ADGRG6: variants seen among roughly 807,000 people sequenced by gnomAD.
ADGRG6 encodes the protein G-protein coupled receptor 126.
In ADGRG6, 84 loss-of-function variants were observed where a neutral mutation model predicts 142.4. The ratio of observed to expected loss-of-function variants is 0.59; its 90% CI spans 0.49 to 0.71. The LOEUF (loss-of-function observed/expected upper bound fraction) is 0.71. ADGRG6 is among the 30% of genes least tolerant of loss of function. The pLI, the probability that ADGRG6 is intolerant of heterozygous loss-of-function variation, is 0.00. For synonymous variants in ADGRG6, 521 were observed against 520.5 expected (o/e 1.00, Z -0.01); for missense variants, 1,367 against 1,466.6 (o/e 0.93, Z 1.11).
At chr6:142,352,711 T>C (rs1644174475) in intron 2 of ADGRG6, among the ~76,000 whole-genome samples, 1 of 152,208 alleles carries the variant, frequency 6.6e-6, no homozygotes, top group African/African-American at 2.4e-5. Flanking sequence ...CAAGTAGACA[T>C]GCTGCCTGAC....
In ADGRG6 at chr6:142,434,452, G is replaced by A. The variant is rs147610512; in HGVS notation, c.3320-2982G>A. ...CAATTCTCCTGCTGCAGCCTCCTGA[G>A]TAGCTAGGATTACAGGTGCCAACCA... On this transcript the variant is annotated intron_variant, in intron 22 of 24. Coordinates refer to ENST00000367609, the MANE Select transcript of ADGRG6 (RefSeq NM_198569.3). 8.1e-3 allele frequency among the ~76,000 whole-genome samples: 1,238 copies of A among 152,088 alleles called. 6 individuals carry two copies. The highest frequency in any genetic ancestry group is 0.014 in the Non-Finnish European group (937 of 67,982).
intron 23 of ADGRG6, chr6:142,437,979 T>TA (rs973683849): frequency 3.9e-5 from 14 of 360,206 alleles, no homozygotes; most frequent in Non-Finnish European, 5.9e-5. Context: ...TGTCAGTGGT[T>TA]ACTTCTCATC....
chr6:142,323,870 C>G (rs1778635851), intron 2 of ADGRG6, among the ~76,000 whole-genome samples: 1 of 152,068 alleles, frequency 6.6e-6, no homozygotes, highest in African/African-American at 2.4e-5. Context: ...TTATGGGGTG[C>G]ATGGCTGTAT....
In ADGRG6 at chr6:142,418,233, A is replaced by G. The variant is rs139450112; in HGVS notation, c.3035+864A>G. ...GAATCATTTGAATCTGGGAGGCGGA[A>G]GTTGCAGTGAGCCAAGATTGCACCA... On this transcript the variant is annotated intron_variant, in intron 21 of 24. Transcript: ENST00000367609. Among the ~76,000 whole-genome samples the G allele has an allele frequency of 8.8e-3, 1,298 of 148,212 alleles. 21 individuals are homozygous for G. Among genetic ancestry groups the G allele is most frequent in the Non-Finnish European group, 0.013 (895 of 66,948 alleles).
At chr6:142,349,828 T>C (rs1011888632) in intron 2 of ADGRG6, among the ~76,000 whole-genome samples, 3 of 152,218 alleles carry the variant, frequency 2.0e-5, no homozygotes, top group Admixed American at 6.5e-5. Flanking sequence ...TCTGTCTGGC[T>C]AAAAAGCTCA....
rs1335485194 is a variant in ADGRG6 at position 142,444,372 on chromosome 6, A to G, written c.*857A>G. On this transcript the variant is annotated 3_prime_UTR_variant, in exon 25 of 25. Transcript: ENST00000367609. Reference sequence around the variant, plus strand: ...GCTTGTGGGAGGAAGGAGAATTTCCATTAGGCAAGCTGTATGCAGTGGAAT... The same window carrying G: ...GCTTGTGGGAGGAAGGAGAATTTCCGTTAGGCAAGCTGTATGCAGTGGAAT... 1 of 152,158 alleles carries G rather than the reference A, an allele frequency of 6.6e-6. No homozygotes were observed. Among genetic ancestry groups the G allele is most frequent in the Admixed American group, 6.6e-5 (1 of 15,258 alleles). The allele number at this position is 152,158 out of a possible 1,614,324, so 9.4% of individuals were successfully genotyped here. A position where few individuals can be genotyped will look rare whatever the true frequency, so the allele number is the denominator to read the frequency against.
chr6:142,436,230 C>T (rs896651873), intron 22 of ADGRG6, among the ~76,000 whole-genome samples: 9 of 152,024 alleles, frequency 5.9e-5, no homozygotes, highest in African/African-American at 2.2e-4. Context: ...GATGGAAACC[C>T]GGGACCAAGT....
At chr6:142,309,737 C>T (rs1454015652) in intron 2 of ADGRG6, 93 bp downstream of exon 2, 2 of 737,060 alleles carry the variant, frequency 2.7e-6, no homozygotes, top group East Asian at 3.1e-5. Context: ...CTTACTTTTA[C>T]TTACTGCCTT....
intron 2 of ADGRG6, among the ~76,000 whole-genome samples, chr6:142,335,700 G>C (rs1213796579): frequency 6.6e-6 from 1 of 152,164 alleles, no homozygotes; most frequent in Non-Finnish European, 1.5e-5. Flanking sequence ...AAAACCATAG[G>C]GGGTGGGGTG....
intron 5 of ADGRG6, 33 bp from the exon 6 acceptor site, chr6:142,383,727 G>A: frequency 9.3e-7 from 1 of 1,073,054 alleles, no homozygotes; most frequent in Non-Finnish European, 1.4e-6. Context: ...TGTGCTCTTT[G>A]CAAAATTACA....
intron 5 of ADGRG6, among the ~76,000 whole-genome samples, chr6:142,382,442 A>G (rs1043663604): frequency 8.5e-5 from 13 of 152,342 alleles, no homozygotes; most frequent in Admixed American, 7.2e-4. Context: ...AGATAAGGCC[A>G]TGAGGCAATT....
chr6:142,402,109 A>C, intron 12 of ADGRG6, 51 bp downstream of exon 12: 1 of 812,370 alleles, frequency 1.2e-6, no homozygotes. Flanking sequence ...ACATGACTTC[A>C]TGCTTCATGA....
intron 18 of ADGRG6, among the ~76,000 whole-genome samples, chr6:142,412,770 A>T (rs757027237): frequency 6.6e-6 from 1 of 152,090 alleles, no homozygotes; most frequent in Non-Finnish European, 1.5e-5. Context: ...AAGAACACTT[A>T]TTTTTTGTGA....
chr6:142,361,974 T>C lies in ADGRG6; in HGVS notation c.104-5595T>C, dbSNP rs1281171520. 2.0e-5 allele frequency among the ~76,000 whole-genome samples: 3 copies of C among 152,196 alleles called. No homozygotes were observed. The East Asian group carries it at 5.8e-4, about 29-fold the overall frequency. On this transcript the variant is annotated intron_variant, in intron 2 of 24. Transcript: ENST00000367609. ...CATAACAGGCTGACTCTGGAATGAT[T>C]TACAACAGTTCATTTGTTTGGATCT... is the stretch of plus-strand genomic sequence containing the variant.
At chr6:142,397,588 A>G (rs758796211) in intron 9 of ADGRG6, 25 bp from the exon 10 acceptor site, 3 of 1,602,894 alleles carry the variant, frequency 1.9e-6, no homozygotes, top group Non-Finnish European at 2.6e-6. Flanking sequence ...CAACAACAAC[A>G]GTTCTATCCG....
At chr6:142,369,253 T>C (rs1258953047) in intron 3 of ADGRG6, among the ~76,000 whole-genome samples, 1 of 152,244 alleles carries the variant, frequency 6.6e-6, no homozygotes, top group Admixed American at 6.5e-5. Flanking sequence ...TGTAATAATT[T>C]TGCATGTATC....
chr6:142,396,348 G>A (rs541210498), intron 9 of ADGRG6, among the ~76,000 whole-genome samples: 28 of 152,130 alleles, frequency 1.8e-4, no homozygotes, highest in Admixed American at 5.9e-4. Context: ...GCTTGTATGC[G>A]AATGGTAAGC....
At chr6:142,437,855 G>A (rs560023109) in intron 23 of ADGRG6, among the ~76,000 whole-genome samples, 3 of 145,508 alleles carry the variant, frequency 2.1e-5, no homozygotes, top group African/African-American at 7.7e-5. Flanking sequence ...TTCTAGATCC[G>A]CAATTACATT....
At chr6:142,388,926 C>T (rs932432238) in intron 6 of ADGRG6, among the ~76,000 whole-genome samples, 7 of 151,942 alleles carry the variant, frequency 4.6e-5, no homozygotes, top group African/African-American at 2.4e-5. Flanking sequence ...TTGATGAGAT[C>T]CACAGTGTAA....
Sources: allele counts gnomAD v4.1 joint callset (sites outside exome capture counted in the v4.1 genomes callset), GRCh38; gene constraint gnomAD v4.1.1; transcripts MANE v1.5; gene names NCBI Gene and HGNC (gene_info 2026-07-23, HGNC 2026-07-21).